REPS2: variants seen among roughly 807,000 people sequenced by gnomAD.
REPS2 encodes the protein RALBP1 associated Eps domain containing 2, also known as ralBP1-associated Eps domain-containing protein 2.
REPS2 carries 23 observed loss-of-function variants against 53.6 expected under a neutral mutation model. That is an observed-to-expected ratio of 0.43 (90% confidence interval 0.31 to 0.61). The LOEUF is 0.61. Among genes scored for constraint, REPS2 ranks in the 20% least tolerant of loss-of-function variants. The pLI is 0.11. For missense variants in REPS2, 446 were observed against 534.9 expected (o/e 0.83, Z 1.64); for synonymous variants, 238 against 218.6 (o/e 1.09, Z -0.78).
chrX:16,965,225 G>A (rs1458005050), intron 1 of REPS2, among the ~76,000 whole-genome samples: 9 of 99,180 alleles, frequency 9.1e-5, no homozygotes, highest in Non-Finnish European at 1.2e-4. Flanking sequence ...GGGCAGAGGC[G>A]CCCCTCACTT....
intron 14 of REPS2, among the ~76,000 whole-genome samples, chrX:17,104,241 A>G (rs773544241): frequency 8.9e-6 from 1 of 111,996 alleles, no homozygotes; most frequent in Non-Finnish European, 1.9e-5. Context: ...TGCTTTCTGT[A>G]GGATGGTATT....
chrX:17,148,880 T>C lies in REPS2; in HGVS notation c.*1399T>C, dbSNP rs776137872. On this transcript the variant is annotated 3_prime_UTR_variant, in exon 18 of 18. Transcript: ENST00000357277. ...CAGGGTGGGGGTGTATAGGGTCTTT[T>C]TGAAGCAGTTTTGGATAGGTTTGCA... The C allele has an allele frequency of 1.9e-5, 7 of 372,166 alleles. No homozygotes were observed. Among genetic ancestry groups the C allele is most frequent in the South Asian group, 1.7e-4 (7 of 42,006 alleles). The allele number at this position is 372,166 out of a possible 1,213,427, so 30.7% of individuals were successfully genotyped here.
At chrX:17,019,852 C>T (rs1198506954) in intron 2 of REPS2, among the ~76,000 whole-genome samples, 4 of 111,821 alleles carry the variant, frequency 3.6e-5, no homozygotes, top group African/African-American at 1.3e-4. Flanking sequence ...AACATTCAGA[C>T]TGAAAATTTA....
the REPS2 span, among the ~76,000 whole-genome samples, chrX:17,159,468 C>T: frequency 9.0e-6 from 1 of 110,996 alleles, no homozygotes; most frequent in African/African-American, 3.3e-5. Flanking sequence ...GAGTAGGTGG[C>T]CTGAAGGATG....
At chrX:16,986,117 A>G (rs1265615335) in intron 1 of REPS2, among the ~76,000 whole-genome samples, 1 of 112,191 alleles carries the variant, frequency 8.9e-6, no homozygotes, top group Non-Finnish European at 1.9e-5. Context: ...CTGCAATTTT[A>G]ATGCAACTTA....
chrX:17,112,867 T>C (rs760848323), intron 14 of REPS2, among the ~76,000 whole-genome samples: 14 of 108,638 alleles, frequency 1.3e-4, no homozygotes, highest in Admixed American at 1.2e-3. Flanking sequence ...GACGGGTGGA[T>C]CACGAGGTCA....
Position 16,965,675 on chromosome X carries a change from G to A in REPS2, c.273+18541G>A, listed in dbSNP as rs771921148. Among the ~76,000 whole-genome samples the A allele has an allele frequency of 4.3e-3, 486 of 112,649 alleles. 3 individuals carry two copies. Among genetic ancestry groups the A allele is most frequent in the African/African-American group, 0.015 (462 of 31,081 alleles). On this transcript the variant is annotated intron_variant, in intron 1 of 17. Transcript: ENST00000357277. ...TCACTTCCCAGATGTGATGGCGGCCGGGAAGAGGCGCTCCTCACTTCCTAG... is the reference window on the plus strand; with the variant it reads ...TCACTTCCCAGATGTGATGGCGGCCAGGAAGAGGCGCTCCTCACTTCCTAG...
At chrX:16,962,838 T>C (rs1179406016) in intron 1 of REPS2, among the ~76,000 whole-genome samples, 1 of 112,498 alleles carries the variant, frequency 8.9e-6, no homozygotes, top group Non-Finnish European at 1.9e-5. Context: ...CTTATGCCTG[T>C]AATACCAGCA....
At chrX:17,032,338 A>G (rs184146144) in intron 5 of REPS2, among the ~76,000 whole-genome samples, 3 of 112,060 alleles carry the variant, frequency 2.7e-5, no homozygotes, top group East Asian at 5.6e-4. Flanking sequence ...CTGTAATACA[A>G]ATGACTTCGA....
chrX:17,191,473 C>T, the REPS2 span, among the ~76,000 whole-genome samples: 1 of 112,413 alleles, frequency 8.9e-6, no homozygotes, highest in African/African-American at 3.2e-5. Flanking sequence ...TTGGAGCTCT[C>T]ATACGTTGCT....
rs185954575 is a variant in REPS2, at chrX:17,106,337, C to T, written c.1578+2558C>T. ...CTGCTAAAGGAAATTAGAGAGGACA[C>T]AAACAAATGGAAAAACATTCCATCC... On this transcript the variant is annotated intron_variant, in intron 14 of 17. Coordinates refer to ENST00000357277, the MANE Select transcript of REPS2 (RefSeq NM_004726.3). Among the ~76,000 whole-genome samples the T allele has an allele frequency of 4.5e-5, 5 of 110,536 alleles. No homozygotes were observed. The East Asian group carries it at 1.4e-3, about 31-fold the overall frequency.
intron 1 of REPS2, among the ~76,000 whole-genome samples, chrX:16,964,777 G>T (rs755693931): frequency 1.3e-5 from 1 of 74,180 alleles, no homozygotes; most frequent in Non-Finnish European, 2.7e-5. Flanking sequence ...GCGGCTGGCC[G>T]GGCGGGGGGC....
intron 2 of REPS2, among the ~76,000 whole-genome samples, chrX:17,011,319 AAAAT>A (rs2061427934): frequency 9.0e-6 from 1 of 111,568 alleles, no homozygotes; most frequent in Non-Finnish European, 1.9e-5. Context: ...AAAGAAGGTG[AAAAT>A]TAAGGACTGG....
chrX:17,028,842 C>T (rs953534660), intron 4 of REPS2, among the ~76,000 whole-genome samples: 11 of 111,825 alleles, frequency 9.8e-5, no homozygotes, highest in African/African-American at 3.2e-4. Flanking sequence ...GTTGGAGCTG[C>T]ATACTACCTG....
At chrX:17,146,156 C>G (rs2063512295) in intron 17 of REPS2, among the ~76,000 whole-genome samples, 1 of 109,678 alleles carries the variant, frequency 9.1e-6, no homozygotes, top group African/African-American at 3.3e-5. Context: ...GCCATCCCCG[C>G]TACATTTCCA....
At position 17,147,490 on chromosome X, in the gene REPS2, T is replaced by C; in HGVS notation, c.*9T>C. 1 of 1,172,644 alleles carries C rather than the reference T, an allele frequency of 8.5e-7. No homozygotes were observed. The highest frequency in any genetic ancestry group is 3.0e-5 in the East Asian group (1 of 33,411). On this transcript the variant is annotated 3_prime_UTR_variant, in exon 18 of 18. Coordinates refer to ENST00000357277, the MANE Select transcript of REPS2 (RefSeq NM_004726.3). Reference sequence around the variant, plus strand: ...CGGTCACTGTGTTGTGACCCCCCCATGGTTCAAGTGACAGTGGGTGACCTT... The same window carrying C: ...CGGTCACTGTGTTGTGACCCCCCCACGGTTCAAGTGACAGTGGGTGACCTT...
intron 14 of REPS2, among the ~76,000 whole-genome samples, chrX:17,125,994 T>C (rs1052991929): frequency 1.8e-5 from 2 of 112,251 alleles, no homozygotes; most frequent in African/African-American, 3.2e-5. Flanking sequence ...AGTGGGACCT[T>C]TGTAAAGCTA....
intron 14 of REPS2, among the ~76,000 whole-genome samples, chrX:17,109,200 C>T (rs970745770): frequency 9.9e-5 from 11 of 110,631 alleles, no homozygotes; most frequent in South Asian, 3.8e-4. Flanking sequence ...CAGAAACTGA[C>T]GGGAGGACAG....
chrX:16,988,523 A>G (rs1270116406), intron 1 of REPS2, among the ~76,000 whole-genome samples: 2 of 112,067 alleles, frequency 1.8e-5, no homozygotes, highest in East Asian at 5.6e-4. Flanking sequence ...CTTGGGTATA[A>G]ATCTAACAAA....
Sources: gnomAD v4.1 joint callset for allele counts (sites outside exome capture counted in the v4.1 genomes callset) on GRCh38, gnomAD v4.1.1 for gene constraint, MANE v1.5 for transcripts, NCBI Gene and HGNC (gene_info 2026-07-23, HGNC 2026-07-21) for gene names.